The following EXT1 variants were observed in gnomAD, a reference collection of about 807,000 sequenced individuals.
The protein encoded by EXT1 is exostosin-1.
EXT1 carries 20 observed loss-of-function variants against 82.5 expected under a neutral mutation model. The ratio of observed to expected loss-of-function variants is 0.24; its 90% CI spans 0.17 to 0.35. The LOEUF (loss-of-function observed/expected upper bound fraction) is 0.35, where lower values mean the gene tolerates loss of function less well. Among genes scored for constraint, EXT1 ranks in the 10% least tolerant of loss-of-function variants. The probability of loss-of-function intolerance (pLI) is 1.00; values close to 1 mark genes in which losing one functional copy is unlikely to be tolerated. For synonymous variants in EXT1, 348 were observed against 350.8 expected (o/e 0.99, Z 0.09); for missense variants, 757 against 936.5 (o/e 0.81, Z 2.50).
intron 10 of EXT1, among the ~76,000 whole-genome samples, chr8:117,803,305 G>C (rs1354470209): frequency 6.6e-6 from 1 of 151,578 alleles, no homozygotes; most frequent in South Asian, 2.1e-4. Context: ...AGCAATTCTC[G>C]TGCCTCAGCC....
chr8:117,985,881 T>C (rs1430902729), intron 1 of EXT1, among the ~76,000 whole-genome samples: 3 of 152,244 alleles, frequency 2.0e-5, no homozygotes, highest in Non-Finnish European at 4.4e-5. Context: ...ATCACTTTTC[T>C]ATAGCATTGA....
At chr8:117,909,395 A>G (rs184759142) in intron 1 of EXT1, among the ~76,000 whole-genome samples, 255 of 152,324 alleles carry the variant, frequency 1.7e-3, no homozygotes, top group Middle Eastern at 6.8e-3. Flanking sequence ...TATGTAATAA[A>G]AGGAGAACCA....
At chr8:118,020,626 A>G (rs1816087180) in intron 1 of EXT1, among the ~76,000 whole-genome samples, 1 of 137,678 alleles carries the variant, frequency 7.3e-6, no homozygotes, top group African/African-American at 2.7e-5. Context: ...TATGCCCTTC[A>G]GCATTAAGCA....
chr8:117,959,013 C>G (rs968170556), intron 1 of EXT1, among the ~76,000 whole-genome samples: 1 of 152,214 alleles, frequency 6.6e-6, no homozygotes, highest in African/African-American at 2.4e-5. Flanking sequence ...CTTGACCAAA[C>G]AGTCCAGGTT....
At chr8:118,078,314 T>C (rs1817246952) in intron 1 of EXT1, among the ~76,000 whole-genome samples, 1 of 152,250 alleles carries the variant, frequency 6.6e-6, no homozygotes, top group African/African-American at 2.4e-5. Flanking sequence ...TTCTCATGTC[T>C]CTGCTTCCCG....
At chr8:118,082,570 T>C (rs977682125) in intron 1 of EXT1, among the ~76,000 whole-genome samples, 1 of 152,172 alleles carries the variant, frequency 6.6e-6, no homozygotes, top group Non-Finnish European at 1.5e-5. Flanking sequence ...GATTGAGTAA[T>C]CCAAAACAAG....
At chr8:117,844,806 A>G (rs550025181) in intron 1 of EXT1, among the ~76,000 whole-genome samples, 48 of 152,246 alleles carry the variant, frequency 3.2e-4, no homozygotes, top group African/African-American at 1.1e-3. Flanking sequence ...GGTTGGCTGC[A>G]GCTTCAGGGA....
Position 118,066,359 on chromosome 8 carries a change from T to TA in EXT1, c.962+43725dup, listed in dbSNP as rs915954842. Among the ~76,000 whole-genome samples the TA allele has an allele frequency of 1.7e-3, 257 of 151,208 alleles. 2 individuals are homozygous for TA. Among genetic ancestry groups the TA allele is most frequent in the Admixed American group, 1.5e-3 (23 of 15,190 alleles). The stretch of plus-strand genomic sequence containing the variant: ...TTATTTATTTATTTATTTATTTATT[T>TA]ATTTATTTATTTATTTATTAGACAG... On this transcript the variant is annotated intron_variant, in intron 1 of 10. Transcript: ENST00000378204.
chr8:117,816,374 T>A (rs978990243), intron 7 of EXT1, among the ~76,000 whole-genome samples: 1 of 152,198 alleles, frequency 6.6e-6, no homozygotes, highest in Non-Finnish European at 1.5e-5. Flanking sequence ...GCACCTGATA[T>A]GGAATGGTCT....
chr8:118,003,282 A>C (rs1009770410), intron 1 of EXT1, among the ~76,000 whole-genome samples: 17 of 152,050 alleles, frequency 1.1e-4, no homozygotes, highest in African/African-American at 1.9e-4. Context: ...GGAATAAAAG[A>C]CTACACATTG....
intron 1 of EXT1, among the ~76,000 whole-genome samples, chr8:118,090,284 G>A (rs1450138262): frequency 6.6e-6 from 1 of 152,110 alleles, no homozygotes; most frequent in African/African-American, 2.4e-5. Flanking sequence ...AATTAGCAGG[G>A]TGTGGTGGCA....
At chr8:118,074,796 A>G (rs1207667075) in intron 1 of EXT1, among the ~76,000 whole-genome samples, 1 of 152,224 alleles carries the variant, frequency 6.6e-6, no homozygotes. Context: ...GCTAATGGAA[A>G]GCATATAAAT....
At chr8:117,978,824 G>A (rs752910228) in intron 1 of EXT1, among the ~76,000 whole-genome samples, 4 of 152,294 alleles carry the variant, frequency 2.6e-5, no homozygotes, top group African/African-American at 9.6e-5. Flanking sequence ...TACCTGTGGC[G>A]ACAGTGTGCT....
At chr8:117,898,823 GAA>G (rs60372493) in intron 1 of EXT1, among the ~76,000 whole-genome samples, 9 of 141,538 alleles carry the variant, frequency 6.4e-5, no homozygotes, top group African/African-American at 1.8e-4. Context: ...CAGACGGCAG[GAA>G]AAAAAAAAAA....
intron 10 of EXT1, among the ~76,000 whole-genome samples, chr8:117,804,283 C>T (rs544033328): frequency 6.6e-6 from 1 of 152,186 alleles, no homozygotes; most frequent in Non-Finnish European, 1.5e-5. Flanking sequence ...TGTGAAGACA[C>T]AATGAGCAGA....
chr8:117,877,178 T>C (rs968285555), intron 1 of EXT1, among the ~76,000 whole-genome samples: 3 of 152,232 alleles, frequency 2.0e-5, no homozygotes, highest in African/African-American at 7.2e-5. Flanking sequence ...GTGCAGACTT[T>C]AATGTTTGCA....
intron 1 of EXT1, among the ~76,000 whole-genome samples, chr8:118,002,896 G>A (rs2129814881): frequency 6.6e-6 from 1 of 152,072 alleles, no homozygotes; most frequent in South Asian, 2.1e-4. Flanking sequence ...TCTACCCAGA[G>A]GAAAAGAAGT....
At chr8:117,990,832 C>G (rs910683284) in intron 1 of EXT1, among the ~76,000 whole-genome samples, 1 of 152,210 alleles carries the variant, frequency 6.6e-6, no homozygotes, top group Non-Finnish European at 1.5e-5. Flanking sequence ...ACAGAGGACC[C>G]TTACATGCAA....
Position 117,799,188 on chromosome 8 carries a change from G to A in EXT1, c.*524C>T, listed in dbSNP as rs1440042089. 1 of 161,182 alleles carries A rather than the reference G, an allele frequency of 6.2e-6. No individual in the cohort carries two copies. Among genetic ancestry groups the A allele is most frequent in the East Asian group, 1.5e-4 (1 of 6,586 alleles). The allele number at this position is 161,182 out of a possible 1,614,324, so 10.0% of individuals were successfully genotyped here. On this transcript the variant is annotated 3_prime_UTR_variant, in exon 11 of 11. Coordinates refer to ENST00000378204, the MANE Select transcript of EXT1 (RefSeq NM_000127.3). ...GTGGAAAACAATTTGCACTGGCAAA[G>A]TTGAATAATGAAGTTACAACTTATG...
Sources: allele counts gnomAD v4.1 joint callset (sites outside exome capture counted in the v4.1 genomes callset), GRCh38; gene constraint gnomAD v4.1.1; transcripts MANE v1.5; gene names NCBI Gene and HGNC (gene_info 2026-07-23, HGNC 2026-07-21).